The following PINX1 variants were observed in gnomAD, a reference collection of about 807,000 sequenced individuals.
The protein encoded by PINX1 is PIN2/TERF1-interacting telomerase inhibitor 1.
Under a neutral mutation model 25.4 loss-of-function variants are expected in PINX1, and 34 were observed. The ratio of observed to expected loss-of-function variants is 1.34; its 90% CI spans 1.02 to 1.78. The LOEUF (loss-of-function observed/expected upper bound fraction) is 1.78, where lower values mean the gene tolerates loss of function less well. Ranked by LOEUF, PINX1 falls within the 40% of genes most tolerant of loss-of-function variation. The pLI is 0.00. For missense variants in PINX1, 592 were observed against 404.9 expected (o/e 1.46, Z -3.97); for synonymous variants, 197 against 147.7 (o/e 1.33, Z -2.42).
chr8:10,805,341 C>A (rs1457732278), intron 6 of PINX1, among the ~76,000 whole-genome samples: 1 of 152,226 alleles, frequency 6.6e-6, no homozygotes, highest in African/African-American at 2.4e-5. Context: ...TGCAACCCAC[C>A]CCATGTTTCA....
At chr8:10,806,203 A>G (rs1051577006) in intron 6 of PINX1, among the ~76,000 whole-genome samples, 14 of 152,086 alleles carry the variant, frequency 9.2e-5, no homozygotes, top group Admixed American at 2.0e-4. Context: ...GGAAGGGGCC[A>G]CACTAGTGCT....
intron 6 of PINX1, among the ~76,000 whole-genome samples, chr8:10,817,341 G>C (rs1797729203): frequency 6.6e-6 from 1 of 152,178 alleles, no homozygotes; most frequent in African/African-American, 2.4e-5. Flanking sequence ...CTGAGGATGG[G>C]AGCCGAAAGA....
chr8:10,820,257 G>C lies in PINX1; in HGVS notation c.407C>G (p.Ser136Ter). ...GTCAAGATCTGTTTTGCTCCGAGAT[G>C]ACAGATCCTTCCCTAGAAAAACAAT... is the stretch of plus-strand genomic sequence containing the variant. ...YMKFTKGKDL[S>*]SRSKTDLDCI... Residue 136 changes from serine to a stop codon, truncating the protein, a stop_gained, in exon 6 of 7, where the codon TCA becomes TGA. Transcript: ENST00000314787. LOFTEE classifies it high-confidence loss of function. 6.2e-7 allele frequency: 1 copy of C among 1,610,432 alleles called. No individual in the cohort carries two copies. The highest frequency in any genetic ancestry group is 8.5e-7 in the Non-Finnish European group (1 of 1,176,922).
At chr8:10,797,978 T>C (rs116679139) in intron 6 of PINX1, among the ~76,000 whole-genome samples, 355 of 152,280 alleles carry the variant, frequency 2.3e-3, no homozygotes, top group African/African-American at 7.8e-3. Context: ...CTTCACTCTA[T>C]CAGAAATAAA....
chr8:10,787,158 T>TTA (rs149669854), intron 6 of PINX1, among the ~76,000 whole-genome samples: 5,678 of 151,930 alleles, frequency 0.037, 362 homozygotes, highest in African/African-American at 0.13. Flanking sequence ...ATTTGATATA[T>TTA]TATATATATA....
At chr8:10,801,675 G>C (rs1216319351) in intron 6 of PINX1, among the ~76,000 whole-genome samples, 1 of 152,170 alleles carries the variant, frequency 6.6e-6, no homozygotes, top group East Asian at 1.9e-4. Flanking sequence ...GCTGGGACTT[G>C]AGCCTAAGTT....
At position 10,765,904 on chromosome 8, in the gene PINX1, G is replaced by A. The variant is rs2129069758; in HGVS notation, c.484C>T (p.Pro162Ser). ...GTTTCGTTCTCCTCTGGAGTGGAGG[G>A]ACTGGCATCGCCCTATGGTGGGCAG... is the stretch of plus-strand genomic sequence containing the variant. ...SKKTPEGDAS[P>S]STPEENETTT... Residue 162 changes from proline (P) to serine (S), a missense_variant, in exon 7 of 7, where the codon CCC becomes TCC. By Grantham distance (74) the Pro-to-Ser change is moderately conservative. Transcript: ENST00000314787. The A allele has an allele frequency of 1.2e-6, 2 of 1,613,646 alleles. No homozygotes were observed. Among genetic ancestry groups the A allele is most frequent in the East Asian group, 2.2e-5 (1 of 44,880 alleles).
chr8:10,828,817 G>A (rs558438936), intron 4 of PINX1, among the ~76,000 whole-genome samples: 3 of 152,182 alleles, frequency 2.0e-5, no homozygotes, highest in East Asian at 1.9e-4. Context: ...TCCTCTTACC[G>A]GGATCAATGA....
intron 6 of PINX1, among the ~76,000 whole-genome samples, chr8:10,794,761 G>A (rs779524664): frequency 7.9e-5 from 12 of 152,174 alleles, no homozygotes; most frequent in South Asian, 2.1e-4. Flanking sequence ...GGGAAGATGC[G>A]TTCAAATTAG....
At chr8:10,772,373 G>T (rs1801253740) in intron 6 of PINX1, among the ~76,000 whole-genome samples, 1 of 152,240 alleles carries the variant, frequency 6.6e-6, no homozygotes, top group Non-Finnish European at 1.5e-5. Context: ...CCGTTCGTTG[G>T]AAAGCCTGCC....
intron 6 of PINX1, among the ~76,000 whole-genome samples, chr8:10,770,556 T>A (rs1435628465): frequency 6.6e-6 from 1 of 152,210 alleles, no homozygotes; most frequent in East Asian, 1.9e-4. Context: ...TGAGTGAGTA[T>A]CTGCGCAAGA....
At chr8:10,787,708 G>C (rs1238474816) in intron 6 of PINX1, 1 of 431,168 alleles carries the variant, frequency 2.3e-6, no homozygotes, top group Non-Finnish European at 4.6e-6. Context: ...AAGTGAGTCA[G>C]TGTACGGTCT....
intron 5 of PINX1, 85 bp from the exon 6 acceptor site, chr8:10,820,354 G>A (rs749658222): frequency 1.2e-5 from 11 of 910,378 alleles, no homozygotes; most frequent in Middle Eastern, 2.1e-4. Flanking sequence ...CACCTCAAAG[G>A]AAAATGGCTT....
chr8:10,775,751 TGTGATCTAGGACAA>T (rs1309825845), intron 6 of PINX1, among the ~76,000 whole-genome samples: 2 of 152,230 alleles, frequency 1.3e-5, no homozygotes. Flanking sequence ...TGACAGAACA[TGTGATCTAGGACAA>T]GTCACCGGCC....
rs200886591 is a variant in PINX1, at chr8:10,839,750, T to C, written c.7A>G (p.Met3Val). MS[M>V]LAERRRKQKW... ...TTCCGACACTCACGTTCAGCCAGCA[T>C]AGACATGTCGGAGAGCCTGTGATAC... is the stretch of plus-strand genomic sequence containing the variant. Residue 3 changes from methionine (M) to valine (V), a missense_variant, in exon 1 of 7, where the codon ATG (methionine) becomes GTG (valine). Transcript: ENST00000314787. 3.5e-5 allele frequency: 57 copies of C among 1,605,716 alleles called. No individual in the cohort carries two copies. Among genetic ancestry groups the C allele is most frequent in the Admixed American group, 1.2e-4 (7 of 59,294 alleles).
intron 2 of PINX1, chr8:10,833,900 G>A (rs73531554): frequency 0.033 from 4,348 of 130,938 alleles, 70 homozygotes; most frequent in African/African-American, 0.067. Context: ...ATATTTGGGG[G>A]AATCAAGAGT....
chr8:10,788,659 T>C (rs1801827392), intron 6 of PINX1, among the ~76,000 whole-genome samples: 1 of 152,142 alleles, frequency 6.6e-6, no homozygotes, highest in East Asian at 1.9e-4. Flanking sequence ...AAGGCATCTG[T>C]GTCTAAGTGA....
At chr8:10,766,012 A>G in intron 6 of PINX1, 96 bp from the exon 7 acceptor site, 1 of 1,224,386 alleles carries the variant, frequency 8.2e-7, no homozygotes, top group Non-Finnish European at 1.1e-6. Context: ...CACACCTGGC[A>G]CCCACACCCG....
At chr8:10,806,441 T>C (rs1447493120) in intron 6 of PINX1, among the ~76,000 whole-genome samples, 2 of 152,186 alleles carry the variant, frequency 1.3e-5, no homozygotes, top group African/African-American at 2.4e-5. Flanking sequence ...ATGGGAATGA[T>C]GCCAGGTCTA....
Sources: gnomAD v4.1 joint callset for allele counts (sites outside exome capture counted in the v4.1 genomes callset) on GRCh38, gnomAD v4.1.1 for gene constraint, MANE v1.5 for transcripts, NCBI Gene and HGNC (gene_info 2026-07-23, HGNC 2026-07-21) for gene names.